The following CHRM3 variants were observed in gnomAD, a reference collection of about 807,000 sequenced individuals.
The protein encoded by CHRM3 is cholinergic receptor muscarinic 3.
CHRM3 carries 11 observed loss-of-function variants against 41.8 expected under a neutral mutation model. That is an observed-to-expected ratio of 0.26 (90% confidence interval 0.17 to 0.44). The LOEUF is 0.44. CHRM3 is among the 20% of genes least tolerant of loss of function. CHRM3 has a pLI of 1.00. For missense variants in CHRM3, 571 were observed against 745.4 expected, an observed-to-expected ratio of 0.77 and a Z score of 2.72; for synonymous variants, 297 against 301.4, an observed-to-expected ratio of 0.99 and a Z score of 0.15.
intron 1 of CHRM3, among the ~76,000 whole-genome samples, chr1:239,449,929 A>T (rs1163159292): frequency 1.3e-5 from 2 of 152,178 alleles, no homozygotes; most frequent in Non-Finnish European, 2.9e-5. Context: ...TCCGGCTTTC[A>T]AATTATGTTG....
chr1:239,696,601 A>G (rs748079022), intron 5 of CHRM3, among the ~76,000 whole-genome samples: 32 of 152,212 alleles, frequency 2.1e-4, no homozygotes, highest in Admixed American at 1.8e-3. Flanking sequence ...GATGAGCCTG[A>G]CAGGTAGCCA....
chr1:239,435,223 G>T (rs192364532), intron 1 of CHRM3, among the ~76,000 whole-genome samples: 1 of 152,104 alleles, frequency 6.6e-6, no homozygotes, highest in African/African-American at 2.4e-5. Context: ...AGGCCAAGGC[G>T]GGCGGATCAC....
At chr1:239,716,935 G>A (rs1434809055) in intron 5 of CHRM3, among the ~76,000 whole-genome samples, 2 of 151,886 alleles carry the variant, frequency 1.3e-5, no homozygotes, top group African/African-American at 2.4e-5. Context: ...CATCCATATG[G>A]CATATTTGAA....
At position 239,454,244 on chromosome 1, in the gene CHRM3, G is replaced by A. The variant is rs180673214; in HGVS notation, c.-520-38465G>A. ...GAGCTTCTGATAACTATAAATTGGG[G>A]GTTCCCATGACCTGCTCTTTGAGGT... On this transcript the variant is annotated intron_variant, in intron 1 of 6. Transcript: ENST00000676153. Among the ~76,000 whole-genome samples the A allele has an allele frequency of 1.1e-3, 167 of 152,236 alleles. 1 individual carries two copies. The highest frequency in any genetic ancestry group is 3.4e-3 in the Middle Eastern group (1 of 294).
chr1:239,440,686 C>G (rs945223804), intron 1 of CHRM3, among the ~76,000 whole-genome samples: 3 of 152,132 alleles, frequency 2.0e-5, no homozygotes, highest in Admixed American at 6.6e-5. Context: ...CTCTCTTAGT[C>G]AAAGCATTAC....
intron 3 of CHRM3, among the ~76,000 whole-genome samples, chr1:239,586,744 C>A (rs1000010892): frequency 6.6e-6 from 1 of 152,092 alleles, no homozygotes; most frequent in Non-Finnish European, 1.5e-5. Context: ...CTCTAAATTT[C>A]TTTCAGTGAG....
chr1:239,537,501 C>T (rs1333996689), intron 2 of CHRM3, among the ~76,000 whole-genome samples: 2 of 152,064 alleles, frequency 1.3e-5, no homozygotes, highest in African/African-American at 4.8e-5. Flanking sequence ...AAACTTCTCC[C>T]ACCAGGCCCC....
intron 5 of CHRM3, among the ~76,000 whole-genome samples, chr1:239,746,946 C>T (rs578019108): frequency 7.9e-5 from 12 of 151,844 alleles, no homozygotes; most frequent in Admixed American, 4.6e-4. Flanking sequence ...TTAGTAGAGA[C>T]GGGGTTTCAC....
chr1:239,909,520 T>C lies in CHRM3; in HGVS notation c.*296T>C. The stretch of plus-strand genomic sequence containing the variant: ...GAGAAAAATATTGCTTGACGGCAAT[T>C]ATATACCCAAAGTGATTTGCCTGGG... On this transcript the variant is annotated 3_prime_UTR_variant, in exon 7 of 7. Transcript: ENST00000676153. 3.4e-6 allele frequency: 1 copy of C among 296,308 alleles called. No individual in the cohort carries two copies. Among genetic ancestry groups the C allele is most frequent in the Non-Finnish European group, 6.6e-6 (1 of 150,990 alleles). 18.4% of individuals were successfully genotyped at this position (296,308 alleles called of 1,614,324 possible).
intron 2 of CHRM3, among the ~76,000 whole-genome samples, chr1:239,514,886 C>T (rs984865279): frequency 1.3e-5 from 2 of 152,046 alleles, no homozygotes; most frequent in African/African-American, 4.8e-5. Context: ...GGAATGATAC[C>T]ATGGTAGAAG....
At chr1:239,553,686 C>T (rs977547856) in intron 3 of CHRM3, among the ~76,000 whole-genome samples, 1 of 152,154 alleles carries the variant, frequency 6.6e-6, no homozygotes, top group African/African-American at 2.4e-5. Context: ...AATGCTTTCA[C>T]ATGAACTATC....
intron 3 of CHRM3, among the ~76,000 whole-genome samples, chr1:239,572,748 T>C (rs1661947869): frequency 6.6e-6 from 1 of 152,190 alleles, no homozygotes; most frequent in African/African-American, 2.4e-5. Flanking sequence ...TGTCAGCTCT[T>C]AATGGATGTG....
At chr1:239,662,098 G>T (rs2149015012) in intron 4 of CHRM3, among the ~76,000 whole-genome samples, 1 of 136,680 alleles carries the variant, frequency 7.3e-6, no homozygotes, top group Admixed American at 7.8e-5. Flanking sequence ...ATCTGTTTCA[G>T]TTTTAGATGT....
At chr1:239,662,998 C>A (rs1373602361) in intron 4 of CHRM3, among the ~76,000 whole-genome samples, 1 of 149,578 alleles carries the variant, frequency 6.7e-6, no homozygotes, top group Non-Finnish European at 1.5e-5. Flanking sequence ...TTGTCCTTCT[C>A]CTTCTTCTTT....
At chr1:239,549,621 A>G (rs1206580817) in intron 3 of CHRM3, among the ~76,000 whole-genome samples, 1 of 149,952 alleles carries the variant, frequency 6.7e-6, no homozygotes, top group African/African-American at 2.5e-5. Flanking sequence ...AGATCGCACC[A>G]CTGCACTCCA....
intron 1 of CHRM3, among the ~76,000 whole-genome samples, chr1:239,460,540 T>C (rs1358414627): frequency 2.0e-5 from 3 of 152,166 alleles, no homozygotes; most frequent in African/African-American, 7.2e-5. Flanking sequence ...TCTATATTAT[T>C]CATCCTTGTA....
chr1:239,796,919 T>C (rs879444625), intron 5 of CHRM3, among the ~76,000 whole-genome samples: 28 of 152,136 alleles, frequency 1.8e-4, no homozygotes, highest in Non-Finnish European at 3.5e-4. Context: ...CCACTACTGT[T>C]TGTAGACAAA....
At chr1:239,408,789 ATT>A (rs66799037) in intron 1 of CHRM3, among the ~76,000 whole-genome samples, 8 of 144,382 alleles carry the variant, frequency 5.5e-5, no homozygotes, top group African/African-American at 1.8e-4. Context: ...GGCTGGCTAG[ATT>A]TTTTTTTTTT....
At chr1:239,739,361 A>G (rs1225970672) in intron 5 of CHRM3, among the ~76,000 whole-genome samples, 1 of 152,194 alleles carries the variant, frequency 6.6e-6, no homozygotes, top group Non-Finnish European at 1.5e-5. Flanking sequence ...AAAAAATCCA[A>G]AAGTATTTCT....
Sources: gnomAD v4.1 joint callset for allele counts (sites outside exome capture counted in the v4.1 genomes callset) on GRCh38, gnomAD v4.1.1 for gene constraint, MANE v1.5 for transcripts, NCBI Gene and HGNC (gene_info 2026-07-23, HGNC 2026-07-21) for gene names.